Variants in CLCN7 observed in about 807,000 individuals in gnomAD.
CLCN7 encodes H(+)/Cl(-) exchange transporter 7.
A neutral mutation model predicts 102.1 loss-of-function variants in CLCN7; 60 were observed. The ratio of observed to expected loss-of-function variants is 0.59; its 90% CI spans 0.48 to 0.73. The LOEUF is 0.73. CLCN7 is among the 30% of genes least tolerant of loss of function. The probability of loss-of-function intolerance (pLI) is 0.00; values close to 1 mark genes in which losing one functional copy is unlikely to be tolerated. For synonymous variants in CLCN7, 560 were observed against 490.5 expected, an observed-to-expected ratio of 1.14 and a Z score of -1.87; for missense variants, 962 against 1,125.7, an observed-to-expected ratio of 0.85 and a Z score of 2.08.
chr16:1,458,866 C>T (rs919162013), intron 7 of CLCN7, among the ~76,000 whole-genome samples: 7 of 152,208 alleles, frequency 4.6e-5, no homozygotes, highest in Non-Finnish European at 7.3e-5. Flanking sequence ...ACATGCACCA[C>T]GCAAGCATTT....
intron 2 of CLCN7, among the ~76,000 whole-genome samples, chr16:1,464,624 G>A (rs775418706): frequency 1.3e-5 from 2 of 152,364 alleles, no homozygotes; most frequent in South Asian, 4.1e-4. Flanking sequence ...AGATGCCTCA[G>A]CCTCTGACGT....
At position 1,449,103 on chromosome 16, in the gene CLCN7, C is replaced by G; in HGVS notation, c.1670-10G>C. On this transcript the variant is annotated splice_polypyrimidine_tract_variant and intron_variant, in intron 18 of 24. Transcript: ENST00000382745. ...ATCCGCACAATCCCGCCTGCGGGAG[C>G]CATCATGAACCCCAGCACGTCCACC... is the stretch of plus-strand genomic sequence containing the variant. 1 of 1,612,782 alleles carries G rather than the reference C, an allele frequency of 6.2e-7. No individual in the cohort carries two copies. Among genetic ancestry groups the G allele is most frequent in the South Asian group, 1.1e-5 (1 of 91,080 alleles).
Position 1,450,536 on chromosome 16 carries a change from C to T in CLCN7, c.1578G>A (p.Arg526=). The change falls in exon 17 of 25, where the codon CGG becomes CGA. Residue 526 remains arginine (R), a synonymous_variant. Transcript: ENST00000382745. ...GGTAGGACAGGGAGATCCCAAAGAGCCGGCCCCAGGCAGCCCCGATGAGCA... is the reference window on the plus strand; with the variant it reads ...GGTAGGACAGGGAGATCCCAAAGAGTCGGCCCCAGGCAGCCCCGATGAGCA... ...PSLLIGAAWG[R]LFGISLSYLT... is the part of the protein sequence containing the mutation. The T allele has an allele frequency of 4.3e-6, 7 of 1,610,202 alleles. No individual in the cohort carries two copies. The highest frequency in any genetic ancestry group is 5.1e-6 in the Non-Finnish European group (6 of 1,178,964).
chr16:1,460,696 C>G, intron 5 of CLCN7, 120 bp downstream of exon 5: 1 of 1,489,844 alleles, frequency 6.7e-7, no homozygotes, highest in Non-Finnish European at 9.2e-7. Flanking sequence ...AGGGACACAG[C>G]CAGCCTGGCC....
intron 1 of CLCN7, chr16:1,467,881 T>G (rs1194951244): frequency 6.6e-6 from 1 of 152,330 alleles, no homozygotes; most frequent in African/African-American, 2.4e-5. Flanking sequence ...GCCCAGGAGT[T>G]CAAAGCCAAC....
At chr16:1,464,966 GCCC>G (rs71145426) in intron 2 of CLCN7, among the ~76,000 whole-genome samples, 1 of 151,646 alleles carries the variant, frequency 6.6e-6, no homozygotes, top group African/African-American at 2.4e-5. Context: ...GCTCCTCACT[GCCC>G]CCCCAAGATC....
intron 21 of CLCN7, among the ~76,000 whole-genome samples, chr16:1,448,097 A>G (rs2038682168): frequency 6.6e-6 from 1 of 152,160 alleles, no homozygotes. Context: ...CTCCTGACAA[A>G]GTCACGGCCC....
At chr16:1,461,787 C>T (rs1457998757) in intron 2 of CLCN7, 113 bp from the exon 3 acceptor site, 5 of 928,648 alleles carry the variant, frequency 5.4e-6, no homozygotes, top group Non-Finnish European at 8.6e-6. Context: ...GACAAGGACA[C>T]AGCAAGAGAA....
Position 1,446,497 on chromosome 16 carries a change from C to T in CLCN7, c.*134G>A, listed in dbSNP as rs1447475331. On this transcript the variant is annotated 3_prime_UTR_variant, in exon 25 of 25. Coordinates refer to ENST00000382745, the MANE Select transcript of CLCN7 (RefSeq NM_001287.6). ...GGTCAGTTCCGCGCCTGCCGCCTGCCCGCCCAGCTGCAGGGTGCTCGCCAT... is the reference window on the plus strand; with the variant it reads ...GGTCAGTTCCGCGCCTGCCGCCTGCTCGCCCAGCTGCAGGGTGCTCGCCAT... 2.4e-6 allele frequency: 2 copies of T among 836,900 alleles called. No homozygotes were observed. Among genetic ancestry groups the T allele is most frequent in the Non-Finnish European group, 4.0e-6 (2 of 504,802 alleles). The allele number at this position is 836,900 out of a possible 1,614,324, so 51.8% of individuals were successfully genotyped here.
At position 1,449,000 on chromosome 16, in the gene CLCN7, A is replaced by C. The variant is rs746112826; in HGVS notation, c.1763T>G (p.Met588Arg). ...TYGFPIMLVL[M>R]TAKIVGDVFI... Reference sequence around the variant, plus strand: ...GACGTCGCCCACGATCTTGGCGGTCATGAGCACCAGCATGATGGGGAAGCC... The same window carrying C: ...GACGTCGCCCACGATCTTGGCGGTCCTGAGCACCAGCATGATGGGGAAGCC... The change falls in exon 19 of 25, where the codon ATG becomes AGG. Residue 588 changes from methionine to arginine, a missense_variant. By Grantham distance (91) the Met-to-Arg change is moderately conservative (BLOSUM62 -1). This residue lies in a region of CLCN7 where 799 missense variants were observed against 988.0 expected (regional missense o/e 0.81). Transcript: ENST00000382745. 1 of 1,612,820 alleles carries C rather than the reference A, an allele frequency of 6.2e-7. No individual in the cohort carries two copies. Among genetic ancestry groups the C allele is most frequent in the Admixed American group, 1.7e-5 (1 of 60,026 alleles).
At position 1,457,815 on chromosome 16, in the gene CLCN7, G is replaced by A. The variant is rs1162827763; in HGVS notation, c.676-59C>T. On this transcript the variant is annotated intron_variant, in intron 7 of 24. Coordinates refer to ENST00000382745, the MANE Select transcript of CLCN7 (RefSeq NM_001287.6). The surrounding 1 kb of genome is among the most constrained non-coding windows in gnomAD (Gnocchi z 5.4). ...AAAGGCAGGCGCTGTCTTTGGACCT[G>A]AGCCGTAAAACAGCACACACAGCCC... The A allele has an allele frequency of 1.9e-6, 3 of 1,550,160 alleles. No homozygotes were observed. Among genetic ancestry groups the A allele is most frequent in the South Asian group, 1.1e-5 (1 of 89,824 alleles).
intron 13 of CLCN7, 36 bp downstream of exon 13, chr16:1,454,375 G>A (rs192338826): frequency 3.9e-5 from 63 of 1,604,590 alleles, no homozygotes; most frequent in Admixed American, 1.0e-4. Context: ...AGCCAGGCCC[G>A]CAGGCCGTCC....
In CLCN7 at chr16:1,460,462, C is replaced by A; in HGVS notation, c.550G>T (p.Ala184Ser). 2.5e-6 allele frequency: 4 copies of A among 1,613,806 alleles called. No homozygotes were observed. Among genetic ancestry groups the A allele is most frequent in the African/African-American group, 1.3e-5 (1 of 75,046 alleles). ...FSLLLWATLN[A>S]AFVLVGSVIV... Reference sequence around the variant, plus strand: ...ACAGAGCCCACGAGCACGAAGGCGGCGTTCAGCGTGGCCCACAGCAACAGG... The same window carrying A: ...ACAGAGCCCACGAGCACGAAGGCGGAGTTCAGCGTGGCCCACAGCAACAGG... Residue 184 changes from alanine to serine, a missense_variant, in exon 6 of 25, where the codon GCC becomes TCC. By Grantham distance (99) the Ala-to-Ser change is moderately conservative. Around this residue, in one of 2 missense-constraint regions of CLCN7, gnomAD observed 799 missense variants for 988.0 expected, o/e 0.81. Coordinates refer to ENST00000382745, the MANE Select transcript of CLCN7 (RefSeq NM_001287.6).
Position 1,465,332 on chromosome 16 carries a change from G to T in CLCN7, c.148C>A (p.Arg50Ser). The change falls in exon 2 of 25, where the codon CGT (arginine) becomes AGT (serine). Residue 50 changes from arginine (R) to serine (S), a missense_variant. By Grantham distance (110) the Arg-to-Ser change is moderately radical. Around this residue, in one of 2 missense-constraint regions of CLCN7, gnomAD observed 163 missense variants for 137.7 expected, o/e 1.18. Transcript: ENST00000382745. ...AGPGAARQSP[R>S]SALFRVGHMS... is the part of the protein sequence containing the mutation. ...TGTCCGACTCGGAAAAGCGCAGAAC[G>T]TGGTGACTAAAAGCAGAAGAGAAAT... The T allele has an allele frequency of 1.2e-6, 2 of 1,613,372 alleles. No individual in the cohort carries two copies. Among genetic ancestry groups the T allele is most frequent in the Non-Finnish European group, 8.5e-7 (1 of 1,179,790 alleles).
chr16:1,467,026 C>T (rs185953485), intron 1 of CLCN7, among the ~76,000 whole-genome samples: 3 of 152,110 alleles, frequency 2.0e-5, no homozygotes, highest in East Asian at 1.9e-4. Context: ...CAGCCACCGT[C>T]GCCCTTGCTG....
At position 1,445,971 on chromosome 16, in the gene CLCN7, C is replaced by T. The variant is rs2142362916; in HGVS notation, c.*660G>A. On this transcript the variant is annotated 3_prime_UTR_variant, in exon 25 of 25. Coordinates refer to ENST00000382745, the MANE Select transcript of CLCN7 (RefSeq NM_001287.6). ...TTTCTCAGCTCTCAACATCACAGCA[C>T]AGGGCCCGTGAGTCACCCCAGTCCT... 4.9e-6 allele frequency: 2 copies of T among 407,018 alleles called. No individual in the cohort carries two copies. The highest frequency in any genetic ancestry group is 8.8e-6 in the Non-Finnish European group (2 of 226,014). 25.2% of individuals were successfully genotyped at this position (407,018 alleles called of 1,614,324 possible).
chr16:1,457,301 C>T lies in CLCN7; in HGVS notation c.775G>A (p.Ala259Thr), dbSNP rs758953225. 1.1e-5 allele frequency: 17 copies of T among 1,613,924 alleles called. No individual in the cohort carries two copies. Among genetic ancestry groups the T allele is most frequent in the Admixed American group, 3.3e-5 (2 of 60,014 alleles). ...PMIHSGSVIA[A>T]GISQGRSTSL... ...GTTGACCTTCCCTGAGAGATCCCGG[C>T]GGCAATCACTGAACCTGAGTGGATC... Residue 259 changes from alanine to threonine, a missense_variant, in exon 9 of 25, where the codon GCC (alanine) becomes ACC (threonine). Around this residue, in one of 2 missense-constraint regions of CLCN7, gnomAD observed 799 missense variants for 988.0 expected, o/e 0.81. Transcript: ENST00000382745. This position sits in a 1 kb window ranked among gnomAD's most constrained non-coding sequence, Gnocchi z 5.4.
Position 1,460,402 on chromosome 16 carries a change from G to T in CLCN7, c.594+16C>A. On this transcript the variant is annotated intron_variant, in intron 6 of 24. Transcript: ENST00000382745. Reference sequence around the variant, plus strand: ...CTTCATGGGGTCCGCCATAGCTGCGGCATCCTGCCACCCACCTCTATGAAA... The same window carrying T: ...CTTCATGGGGTCCGCCATAGCTGCGTCATCCTGCCACCCACCTCTATGAAA... 6.3e-7 allele frequency: 1 copy of T among 1,590,924 alleles called. No individual in the cohort carries two copies. The highest frequency in any genetic ancestry group is 8.6e-7 in the Non-Finnish European group (1 of 1,159,790).
Position 1,459,185 on chromosome 16 carries a change from C to T in CLCN7, c.597G>A (p.Pro199=), listed in dbSNP as rs1286566175. The T allele has an allele frequency of 1.1e-5, 18 of 1,612,910 alleles. 1 individual carries two copies. Among genetic ancestry groups the T allele is most frequent in the Middle Eastern group, 1.6e-4 (1 of 6,082 alleles). The change falls in exon 7 of 25, where the codon CCG becomes CCA. Residue 199 remains proline, a splice_region_variant and synonymous_variant. Transcript: ENST00000382745. The part of the protein sequence containing the change: ...VGSVIVAFIE[P]VAAGSGIPQI... ...GGGGGATTCCGCTGCCAGCAGCCAC[C>T]GGCTGAAAGAGGGGAAGCACGGCTG...
Sources: allele counts gnomAD v4.1 joint callset (sites outside exome capture counted in the v4.1 genomes callset), GRCh38; gene constraint gnomAD v4.1.1; regional missense constraint gnomAD v4.1.1; non-coding constraint Gnocchi (gnomAD v3.1); transcripts MANE v1.5; gene names NCBI Gene and HGNC (gene_info 2026-07-23, HGNC 2026-07-21).